Variants in TPCN1 observed in about 807,000 individuals in gnomAD.
TPCN1 encodes the protein two pore channel protein 1.
In TPCN1, 52 loss-of-function variants were observed where a neutral mutation model predicts 108.8. The observed-to-expected ratio is 0.48, with a 90% CI of 0.38 to 0.60. The LOEUF (loss-of-function observed/expected upper bound fraction) is 0.60, where lower values mean the gene tolerates loss of function less well. Ranked by LOEUF, TPCN1 falls within the 20% of genes least tolerant of loss-of-function variation. The pLI is 0.00. For missense variants in TPCN1, 806 were observed against 1,072.8 expected (o/e 0.75, Z 3.47); for synonymous variants, 446 against 433.7 (o/e 1.03, Z -0.35).
At position 113,282,587 on chromosome 12, in the gene TPCN1, CA is replaced by C. The variant is rs752501247; in HGVS notation, c.1343-1983del. Among the ~76,000 whole-genome samples the C allele has an allele frequency of 1.2e-3, 168 of 135,052 alleles. 1 individual carries two copies. In the South Asian group the frequency reaches 0.013, roughly 11 times the overall value. The allele number at this position is 135,052 out of a possible 152,430, so 88.6% of individuals were successfully genotyped here. A position where few individuals can be genotyped will look rare whatever the true frequency, so the allele number is the denominator to read the frequency against. On this transcript the variant is annotated intron_variant, in intron 15 of 27. Coordinates refer to ENST00000335509, the MANE Select transcript of TPCN1 (RefSeq NM_017901.6). ...CAACATAGTGAGACCCCTGTCTCTA[CA>C]AAAAAAAAAATACAAAAATTAACTG...
chr12:113,272,587 A>C lies in TPCN1; in HGVS notation c.749-71A>C, dbSNP rs1955539424. On this transcript the variant is annotated intron_variant, in intron 7 of 27. Coordinates refer to ENST00000335509, the MANE Select transcript of TPCN1 (RefSeq NM_017901.6). This position sits in a 1 kb window ranked among gnomAD's most constrained non-coding sequence, Gnocchi z 4.1. Reference sequence around the variant, plus strand: ...TGCGTTCATTTGCATGTATTTGTCCAGTCCTTTTGACACCAGGTTTTGGGA... The same window carrying C: ...TGCGTTCATTTGCATGTATTTGTCCCGTCCTTTTGACACCAGGTTTTGGGA... 1.0e-5 allele frequency: 14 copies of C among 1,397,968 alleles called. No homozygotes were observed. The South Asian group carries it at 1.6e-4, about 16-fold the overall frequency. The allele number at this position is 1,397,968 out of a possible 1,614,324, so 86.6% of individuals were successfully genotyped here. A position where few individuals can be genotyped will look rare whatever the true frequency, so the allele number is the denominator to read the frequency against.
At chr12:113,237,449 C>T (rs140634086) in intron 2 of TPCN1, among the ~76,000 whole-genome samples, 29 of 152,216 alleles carry the variant, frequency 1.9e-4, no homozygotes, top group Admixed American at 9.8e-4. Flanking sequence ...CTCCGCCTTC[C>T]GGGTTCAAGC....
chr12:113,284,369 T>C lies in TPCN1; in HGVS notation c.1343-212T>C, dbSNP rs1955992589. Among the ~76,000 whole-genome samples the C allele has an allele frequency of 6.6e-6, 1 of 152,228 alleles. No individual in the cohort carries two copies. Among genetic ancestry groups the C allele is most frequent in the Admixed American group, 6.5e-5 (1 of 15,288 alleles). On this transcript the variant is annotated intron_variant, in intron 15 of 27. Transcript: ENST00000335509. This position sits in a 1 kb window ranked among gnomAD's most constrained non-coding sequence, Gnocchi z 4.1. ...CAGAGGGAGTGTTTTTAGAAATTTA[T>C]AGCTGTTTCTAGGTGAAAACACTGG...
chr12:113,280,227 T>C (rs1376797491), intron 15 of TPCN1, 32 bp downstream of exon 15: 2 of 1,589,410 alleles, frequency 1.3e-6, no homozygotes, highest in South Asian at 2.2e-5. Context: ...TCTAGGCCAC[T>C]TTCCCCCTGA....
rs1326816508 is a variant in TPCN1 at position 113,278,343 on chromosome 12, G to C, written c.1233+106G>C. 7.7e-6 allele frequency: 8 copies of C among 1,043,292 alleles called. No homozygotes were observed. In the Admixed American group the frequency reaches 1.4e-4, roughly 18 times the overall value. 64.6% of individuals were successfully genotyped at this position (1,043,292 alleles called of 1,614,324 possible). On this transcript the variant is annotated intron_variant, in intron 13 of 27. Transcript: ENST00000335509. Reference sequence around the variant, plus strand: ...ATCCAGCTCTCTCCCTGCTAGAGCAGCTCAGCCCCCAGCTTGGCATGGTAC... The same window carrying C: ...ATCCAGCTCTCTCCCTGCTAGAGCACCTCAGCCCCCAGCTTGGCATGGTAC...
chr12:113,233,871 C>T (rs561599413), intron 2 of TPCN1, among the ~76,000 whole-genome samples: 45 of 152,258 alleles, frequency 3.0e-4, no homozygotes, highest in Middle Eastern at 3.4e-3. Context: ...ACTTTGACTT[C>T]CTTTGAACCC....
intron 22 of TPCN1, 97 bp downstream of exon 22, chr12:113,290,340 G>A: frequency 1.1e-6 from 1 of 877,120 alleles, no homozygotes; most frequent in Non-Finnish European, 1.8e-6. Context: ...CAAGTGTCTG[G>A]GCCACACTTT....
intron 3 of TPCN1, among the ~76,000 whole-genome samples, chr12:113,260,991 G>A (rs2136579505): frequency 6.6e-6 from 1 of 152,052 alleles, no homozygotes; most frequent in East Asian, 1.9e-4. Flanking sequence ...TCAGGAGTTC[G>A]AGATCAGCCT....
rs1955987033 is a variant in TPCN1, at chr12:113,284,254, T to C, written c.1343-327T>C. On this transcript the variant is annotated intron_variant, in intron 15 of 27. Transcript: ENST00000335509. This position sits in a 1 kb window ranked among gnomAD's most constrained non-coding sequence, Gnocchi z 4.1. The stretch of plus-strand genomic sequence containing the variant: ...TTAGAAGTCTCTAGGGGAAAACAAG[T>C]GTTTTCAATACTTGAATGCCTGGTA... Among the ~76,000 whole-genome samples, 1 of 152,242 alleles carries C rather than the reference T, an allele frequency of 6.6e-6. No individual in the cohort carries two copies. The highest frequency in any genetic ancestry group is 2.4e-5 in the African/African-American group (1 of 41,474).
At position 113,293,251 on chromosome 12, in the gene TPCN1, G is replaced by C; in HGVS notation, c.2254-18G>C. On this transcript the variant is annotated intron_variant, in intron 26 of 27. Transcript: ENST00000335509. Reference sequence around the variant, plus strand: ...TGAATATCTGCAGCCGAGCCCTGCAGCCTCTGCTCTTCCTTAGCAACATTC... The same window carrying C: ...TGAATATCTGCAGCCGAGCCCTGCACCCTCTGCTCTTCCTTAGCAACATTC... 6.2e-7 allele frequency: 1 copy of C among 1,613,910 alleles called. No individual in the cohort carries two copies.
chr12:113,264,305 G>A (rs141794845), intron 3 of TPCN1, among the ~76,000 whole-genome samples: 9 of 152,260 alleles, frequency 5.9e-5, no homozygotes, highest in African/African-American at 1.7e-4. Flanking sequence ...CTAATGGGGC[G>A]AGCAGTTTAT....
At chr12:113,277,449 G>T (rs1424161561) in intron 12 of TPCN1, 85 bp downstream of exon 12, 1 of 1,552,908 alleles carries the variant, frequency 6.4e-7, no homozygotes, top group Non-Finnish European at 8.8e-7. Flanking sequence ...AGGCCCTTGA[G>T]GTGGGCAGGC....
rs1956185413 is a variant in TPCN1 at position 113,289,077 on chromosome 12, C to A, written c.1796+230C>A. Among the ~76,000 whole-genome samples, 1 of 152,224 alleles carries A rather than the reference C, an allele frequency of 6.6e-6. No individual in the cohort carries two copies. Among genetic ancestry groups the A allele is most frequent in the Non-Finnish European group, 1.5e-5 (1 of 68,044 alleles). On this transcript the variant is annotated intron_variant, in intron 21 of 27. Transcript: ENST00000335509. The surrounding 1 kb of genome is among the most constrained non-coding windows in gnomAD (Gnocchi z 4.1). ...GGCAGGGTTGGGAGCTGTCAGCTCA[C>A]CCTCTGCCGAGGGCTGGAGGCCACC...
intron 22 of TPCN1, 150 bp from the exon 23 acceptor site, chr12:113,290,802 T>C: frequency 1.3e-6 from 1 of 744,658 alleles, no homozygotes; most frequent in South Asian, 1.5e-5. Context: ...GTGCCTTGCC[T>C]GGTCTTTCCT....
intron 14 of TPCN1, among the ~76,000 whole-genome samples, chr12:113,279,829 T>C (rs568906223): frequency 1.3e-5 from 2 of 152,304 alleles, no homozygotes; most frequent in African/African-American, 4.8e-5. Flanking sequence ...TACCTGACAG[T>C]TGCCCCTTAA....
At chr12:113,258,963 A>G (rs1954918163) in intron 2 of TPCN1, among the ~76,000 whole-genome samples, 1 of 151,398 alleles carries the variant, frequency 6.6e-6, no homozygotes, top group Admixed American at 6.6e-5. Flanking sequence ...TGCAAATCCC[A>G]GTATCAAAAC....
At chr12:113,241,129 TC>T in intron 2 of TPCN1, among the ~76,000 whole-genome samples, 2 of 152,294 alleles carry the variant, frequency 1.3e-5, no homozygotes, top group Admixed American at 1.3e-4. Context: ...TGGGCTGCCT[TC>T]CCCACCAACA....
Position 113,288,888 on chromosome 12 carries a change from C to A in TPCN1, c.1796+41C>A. ...CCAGCCCCAGGCAGCCTGCATTTCC[C>A]GGGCAGAGGGCTGGCCAGGGCCAGG... On this transcript the variant is annotated intron_variant, in intron 21 of 27. Coordinates refer to ENST00000335509, the MANE Select transcript of TPCN1 (RefSeq NM_017901.6). This position sits in a 1 kb window ranked among gnomAD's most constrained non-coding sequence, Gnocchi z 4.8. 6.3e-7 allele frequency: 1 copy of A among 1,599,448 alleles called. No homozygotes were observed. Among genetic ancestry groups the A allele is most frequent in the Non-Finnish European group, 8.6e-7 (1 of 1,168,708 alleles).
chr12:113,277,361 T>A lies in TPCN1; in HGVS notation c.1181T>A (p.Leu394His). The change falls in exon 12 of 28, where the codon CTC (leucine) becomes CAC (histidine). Residue 394 changes from leucine (L) to histidine (H), a missense_variant. Leu to His is a moderately conservative substitution (Grantham distance 99, BLOSUM62 -3). Coordinates refer to ENST00000335509, the MANE Select transcript of TPCN1 (RefSeq NM_017901.6). The part of the protein sequence containing the change: ...KALNQNNTPL[L>H]SLKDFYDIYE... Reference sequence around the variant, plus strand: ...CTGAATCAGAACAACACACCCCTGCTCAGGTAAGAGCAGATGCCTGGTAGG... The same window carrying A: ...CTGAATCAGAACAACACACCCCTGCACAGGTAAGAGCAGATGCCTGGTAGG... 1.2e-6 allele frequency: 2 copies of A among 1,614,074 alleles called. No individual in the cohort carries two copies. The highest frequency in any genetic ancestry group is 1.7e-6 in the Non-Finnish European group (2 of 1,180,000).
Sources: allele counts gnomAD v4.1 joint callset (sites outside exome capture counted in the v4.1 genomes callset), GRCh38; gene constraint gnomAD v4.1.1; non-coding constraint Gnocchi (gnomAD v3.1); transcripts MANE v1.5; gene names NCBI Gene and HGNC (gene_info 2026-07-23, HGNC 2026-07-21).